PRKCH: variants seen among roughly 807,000 people sequenced by gnomAD.
PRKCH encodes the protein protein kinase C eta.
A neutral mutation model predicts 82.5 loss-of-function variants in PRKCH; 28 were observed. The ratio of observed to expected loss-of-function variants is 0.34; its 90% CI spans 0.25 to 0.47. The LOEUF (loss-of-function observed/expected upper bound fraction) is 0.47, where lower values mean the gene tolerates loss of function less well. Ranked by LOEUF, PRKCH falls within the 20% of genes least tolerant of loss-of-function variation. PRKCH has a pLI of 1.00. For missense variants in PRKCH, 705 were observed against 881.8 expected (o/e 0.80, Z 2.54); for synonymous variants, 322 against 327.4 (o/e 0.98, Z 0.18).
Position 61,491,777 on chromosome 14 carries a change from G to A in PRKCH, c.1433+6121G>A, listed in dbSNP as rs188302452. On this transcript the variant is annotated intron_variant, in intron 10 of 13. Transcript: ENST00000332981. The stretch of plus-strand genomic sequence containing the variant: ...ATCTTTTAACAAGTATTTGTTGAGC[G>A]TCACCCTTCTGCCAAGGATATGGAT... 4.7e-4 allele frequency among the ~76,000 whole-genome samples: 71 copies of A among 152,284 alleles called. No individual in the cohort carries two copies. In the East Asian group the frequency reaches 0.012, roughly 26 times the overall value.
intron 1 of PRKCH, among the ~76,000 whole-genome samples, chr14:61,347,738 A>G (rs939006965): frequency 6.6e-6 from 1 of 152,212 alleles, no homozygotes; most frequent in Admixed American, 6.5e-5. Flanking sequence ...AATGAACCTC[A>G]TTAATAATTT....
At chr14:61,364,077 T>G (rs1210747186) in intron 1 of PRKCH, among the ~76,000 whole-genome samples, 1 of 149,436 alleles carries the variant, frequency 6.7e-6, no homozygotes, top group Non-Finnish European at 1.5e-5. Context: ...ATAAATAAAT[T>G]GCCCAGGCTG....
chr14:61,346,558 G>A (rs538105554), intron 1 of PRKCH, among the ~76,000 whole-genome samples: 9 of 152,276 alleles, frequency 5.9e-5, no homozygotes, highest in Non-Finnish European at 8.8e-5. Flanking sequence ...CAATTATTAC[G>A]TGTCTGGGGT....
intron 10 of PRKCH, among the ~76,000 whole-genome samples, chr14:61,498,732 A>G (rs946773000): frequency 1.3e-5 from 2 of 152,140 alleles, no homozygotes; most frequent in South Asian, 2.1e-4. Context: ...CACAAATTCC[A>G]TCATGAGACC....
chr14:61,333,355 C>T (rs1475231507), intron 1 of PRKCH, among the ~76,000 whole-genome samples: 1 of 152,148 alleles, frequency 6.6e-6, no homozygotes, highest in Admixed American at 6.5e-5. Context: ...TTTCCTAAAC[C>T]TTAAGGACAC....
intron 1 of PRKCH, among the ~76,000 whole-genome samples, chr14:61,334,488 G>A (rs977348114): frequency 2.0e-5 from 3 of 152,122 alleles, no homozygotes; most frequent in Non-Finnish European, 4.4e-5. Context: ...CAGAGCGGGT[G>A]ACAATTCAGC....
intron 12 of PRKCH, among the ~76,000 whole-genome samples, chr14:61,541,928 T>G (rs1042013313): frequency 1.3e-5 from 2 of 152,230 alleles, no homozygotes; most frequent in African/African-American, 4.8e-5. Context: ...GCTGCTCCAC[T>G]GCACCCATCT....
chr14:61,253,552 G>T (rs761010738), intron 1 of PRKCH, among the ~76,000 whole-genome samples: 13 of 152,180 alleles, frequency 8.5e-5, no homozygotes, highest in Admixed American at 1.3e-4. Context: ...TTGAAAAGAG[G>T]AAGTTCCCTT....
chr14:61,445,663 A>C, intron 3 of PRKCH, 29 bp from the exon 4 acceptor site: 1 of 1,593,536 alleles, frequency 6.3e-7, no homozygotes, highest in African/African-American at 1.3e-5. Flanking sequence ...GAAATACTTG[A>C]CTGATGGTAG....
In PRKCH at chr14:61,530,545, G is replaced by A; in HGVS notation, c.1711G>A (p.Val571Met). 1 of 1,610,814 alleles carries A rather than the reference G, an allele frequency of 6.2e-7. No homozygotes were observed. The highest frequency in any genetic ancestry group is 8.5e-7 in the Non-Finnish European group (1 of 1,178,408). ...CTTTGAGGCCATACTGAATGATGAGGTGGTCTACCCTACCTGGCTCCATGA... is the reference window on the plus strand; with the variant it reads ...CTTTGAGGCCATACTGAATGATGAGATGGTCTACCCTACCTGGCTCCATGA... ...DLFEAILNDE[V>M]VYPTWLHEDA... Residue 571 changes from valine (V) to methionine (M), a missense_variant, in exon 12 of 14, where the codon GTG becomes ATG. Around this residue, in one of 5 missense-constraint regions of PRKCH, gnomAD observed 115 missense variants for 193.8 expected, o/e 0.59. Coordinates refer to ENST00000332981, the MANE Select transcript of PRKCH (RefSeq NM_006255.5).
chr14:61,279,099 C>G (rs1016354624), intron 1 of PRKCH: 2 of 152,052 alleles, frequency 1.3e-5, no homozygotes, highest in Admixed American at 1.3e-4. Flanking sequence ...CTATCTGATT[C>G]TACGTTAAAG....
At chr14:61,433,588 C>T (rs1883525969) in intron 2 of PRKCH, among the ~76,000 whole-genome samples, 1 of 152,088 alleles carries the variant, frequency 6.6e-6, no homozygotes, top group South Asian at 2.1e-4. Flanking sequence ...GAAAAATACA[C>T]AGATTTTAAA....
chr14:61,262,219 T>TTAAAAAAAAAAAAAA, intron 1 of PRKCH, among the ~76,000 whole-genome samples: 1 of 106,598 alleles, frequency 9.4e-6, no homozygotes, highest in South Asian at 3.1e-4. Flanking sequence ...AGACTCTGTA[T>TTAAAAAAAAAAAAAA]AAAAAAAAAA....
chr14:61,282,101 C>G (rs2045275654), intron 1 of PRKCH, among the ~76,000 whole-genome samples: 1 of 151,916 alleles, frequency 6.6e-6, no homozygotes, highest in Admixed American at 6.6e-5. Context: ...GTTTTCTTTT[C>G]AGATTATTTG....
chr14:61,449,900 CTGTG>C (rs57980810), intron 5 of PRKCH, among the ~76,000 whole-genome samples: 247 of 36,954 alleles, frequency 6.7e-3, no homozygotes, highest in East Asian at 0.023. Flanking sequence ...CTCTCTCTCT[CTGTG>C]TGTGTGTGTG....
At chr14:61,503,722 C>T (rs1267372692) in intron 10 of PRKCH, among the ~76,000 whole-genome samples, 1 of 152,124 alleles carries the variant, frequency 6.6e-6, no homozygotes, top group South Asian at 2.1e-4. Context: ...GAATCTGTTA[C>T]AAAGCGCTTT....
At chr14:61,231,445 C>A (rs7156616) in intron 1 of PRKCH, among the ~76,000 whole-genome samples, 137,094 of 150,484 alleles carry the variant, frequency 0.91, 63,146 homozygotes, top group Non-Finnish European at 0.98. Flanking sequence ...TCACTGCAAG[C>A]TCTGCCTCCC....
intron 10 of PRKCH, chr14:61,525,957 G>C (rs1428190095): frequency 6.6e-6 from 1 of 152,172 alleles, no homozygotes; most frequent in East Asian, 1.9e-4. Context: ...TCAGCCAGGC[G>C]CCTCTCTACT....
intron 2 of PRKCH, among the ~76,000 whole-genome samples, chr14:61,407,387 A>G (rs1288917767): frequency 6.6e-6 from 1 of 152,230 alleles, no homozygotes; most frequent in African/African-American, 2.4e-5. Context: ...ACAGGAGAAC[A>G]TAACAATGCT....
Sources: gnomAD v4.1 joint callset for allele counts (sites outside exome capture counted in the v4.1 genomes callset) on GRCh38, gnomAD v4.1.1 for gene constraint, gnomAD v4.1.1 regional missense constraint, MANE v1.5 for transcripts, NCBI Gene and HGNC (gene_info 2026-07-23, HGNC 2026-07-21) for gene names.